The following E2F1 variants were observed in gnomAD, a reference collection of about 807,000 sequenced individuals.
E2F1 encodes the protein transcription factor E2F1.
Under a neutral mutation model 36.9 loss-of-function variants are expected in E2F1, and 7 were observed. The ratio of observed to expected loss-of-function variants is 0.19; its 90% CI spans 0.11 to 0.36. E2F1 has a LOEUF of 0.36. E2F1 is among the 10% of genes least tolerant of loss of function. The pLI is 1.00. For synonymous variants in E2F1, 261 were observed against 263.1 expected, an observed-to-expected ratio of 0.99 and a Z score of 0.08; for missense variants, 406 against 573.6, an observed-to-expected ratio of 0.71 and a Z score of 2.99.
intron 1 of E2F1, 110 bp from the exon 2 acceptor site, chr20:33,680,526 G>T: frequency 1.2e-6 from 1 of 868,504 alleles, no homozygotes. Flanking sequence ...CTAGCAGGAT[G>T]CCTGAGTGTG....
chr20:33,675,631 T>C lies in E2F1; in HGVS notation c.*1101A>G, dbSNP rs1381308924. The C allele has an allele frequency of 6.4e-6, 1 of 156,370 alleles. No homozygotes were observed. The highest frequency in any genetic ancestry group is 1.4e-5 in the Non-Finnish European group (1 of 70,502). 9.7% of individuals were successfully genotyped at this position (156,370 alleles called of 1,614,324 possible). ...GAGAATGGGCATTTCCCCAGCAACCTTGGCCTCTCCCGCCCCGAAATGTTC... is the reference window on the plus strand; with the variant it reads ...GAGAATGGGCATTTCCCCAGCAACCCTGGCCTCTCCCGCCCCGAAATGTTC... On this transcript the variant is annotated 3_prime_UTR_variant, in exon 7 of 7. Transcript: ENST00000343380.
chr20:33,686,083 G>T lies in E2F1; in HGVS notation c.182C>A (p.Pro61His). The T allele has an allele frequency of 1.8e-6, 2 of 1,105,808 alleles. No homozygotes were observed. The highest frequency in any genetic ancestry group is 5.1e-5 in the Admixed American group (1 of 19,546). 68.5% of individuals were successfully genotyped at this position (1,105,808 alleles called of 1,614,324 possible). The change falls in exon 1 of 7, where the codon CCT becomes CAT. Residue 61 changes from proline to histidine, a missense_variant. Coordinates refer to ENST00000343380, the MANE Select transcript of E2F1 (RefSeq NM_005225.3). ...PAAPAAGPCD[P>H]DLLLFATPQA... ...CGGTGTGGCGAAGAGCAGCAGGTCAGGGTCGCAGGGGCCGGCGGCGGGCGC... is the reference window on the plus strand; with the variant it reads ...CGGTGTGGCGAAGAGCAGCAGGTCATGGTCGCAGGGGCCGGCGGCGGGCGC...
chr20:33,678,126 C>T (rs2017982223), intron 4 of E2F1, 75 bp downstream of exon 4: 1 of 1,503,362 alleles, frequency 6.7e-7, no homozygotes, highest in Non-Finnish European at 8.9e-7. Flanking sequence ...AAATCCAAGC[C>T]TCTCTAGTCC....
Position 33,686,357 on chromosome 20 carries a change from C to T in E2F1, c.-93G>A. Reference sequence around the variant, plus strand: ...TCGGCGAGGGCTCGATCCCGCTCCGCCCCCGGCCGCCGCTGCCTGCAAAGT... The same window carrying T: ...TCGGCGAGGGCTCGATCCCGCTCCGTCCCCGGCCGCCGCTGCCTGCAAAGT... On this transcript the variant is annotated 5_prime_UTR_variant, in exon 1 of 7. Coordinates refer to ENST00000343380, the MANE Select transcript of E2F1 (RefSeq NM_005225.3). The T allele has an allele frequency of 7.3e-6, 7 of 954,606 alleles. No individual in the cohort carries two copies. The highest frequency in any genetic ancestry group is 8.7e-6 in the Non-Finnish European group (7 of 801,086). 59.1% of individuals were successfully genotyped at this position (954,606 alleles called of 1,614,324 possible). A position where few individuals can be genotyped will look rare whatever the true frequency, so the allele number is the denominator to read the frequency against.
At chr20:33,678,384 A>G (rs1020849508) in intron 3 of E2F1, 31 bp from the exon 4 acceptor site, 12 of 1,609,204 alleles carry the variant, frequency 7.5e-6, no homozygotes, top group Non-Finnish European at 7.6e-6. Flanking sequence ...GGGTAGGGTT[A>G]ACAGCGATTG....
chr20:33,676,680 G>A lies in E2F1; in HGVS notation c.*52C>T. The A allele has an allele frequency of 1.3e-6, 2 of 1,542,392 alleles. No homozygotes were observed. Among genetic ancestry groups the A allele is most frequent in the South Asian group, 2.5e-5 (2 of 80,306 alleles). ...ACGGCCAGGGACAGGGGGCTCCAGG[G>A]CTGCAGAGACAAGGTGAGCATCTCT... On this transcript the variant is annotated 3_prime_UTR_variant, in exon 7 of 7. Transcript: ENST00000343380.
At position 33,677,238 on chromosome 20, in the gene E2F1, G is replaced by A. The variant is rs944228695; in HGVS notation, c.933C>T (p.Thr311=). The A allele has an allele frequency of 6.2e-7, 1 of 1,614,118 alleles. No homozygotes were observed. Among genetic ancestry groups the A allele is most frequent in the Admixed American group, 1.7e-5 (1 of 60,020 alleles). ...ETVGGISPGK[T]PSQEVTSEEE... ...CCTCAGAAGTGACCTCCTGGGATGG[G>A]GTCTTCCCAGGGCTGATCCCACCTA... is the stretch of plus-strand genomic sequence containing the variant. Residue 311 remains threonine (T), a synonymous_variant, in exon 6 of 7, where the codon ACC becomes ACT. Coordinates refer to ENST00000343380, the MANE Select transcript of E2F1 (RefSeq NM_005225.3).
chr20:33,684,598 A>C (rs2018047902), intron 1 of E2F1, among the ~76,000 whole-genome samples: 1 of 152,212 alleles, frequency 6.6e-6, no homozygotes, highest in Non-Finnish European at 1.5e-5. Context: ...CCCAATCTGT[A>C]AAAAGGGACT....
At chr20:33,680,104 G>A in intron 2 of E2F1, 130 bp from the exon 3 acceptor site, 1 of 945,886 alleles carries the variant, frequency 1.1e-6, no homozygotes. Flanking sequence ...CTTCCCCTTG[G>A]CGAGGCCAAC....
At chr20:33,683,243 G>A (rs1315262835) in intron 1 of E2F1, among the ~76,000 whole-genome samples, 1 of 152,106 alleles carries the variant, frequency 6.6e-6, no homozygotes, top group Non-Finnish European at 1.5e-5. Flanking sequence ...TTGAGGTCAG[G>A]AGTTCAAGAC....
rs1568909441 is a variant in E2F1, at chr20:33,680,363, A to G, written c.315T>C (p.Ser105=). The G allele has an allele frequency of 6.2e-7, 1 of 1,614,168 alleles. No homozygotes were observed. The highest frequency in any genetic ancestry group is 8.5e-7 in the Non-Finnish European group (1 of 1,180,014). ...ETDHQYLAES[S]GPARGRGRHP... ...GGCGGCCTCTGCCCCGAGCTGGCCCACTGCTCTCGGCCAGGTACTGATGGT... is the reference window on the plus strand; with the variant it reads ...GGCGGCCTCTGCCCCGAGCTGGCCCGCTGCTCTCGGCCAGGTACTGATGGT... The change falls in exon 2 of 7, where the codon AGT becomes AGC. Residue 105 remains serine (S), a synonymous_variant. Coordinates refer to ENST00000343380, the MANE Select transcript of E2F1 (RefSeq NM_005225.3).
chr20:33,679,982 G>A lies in E2F1; in HGVS notation c.353-8C>T, dbSNP rs886392289. The stretch of plus-strand genomic sequence containing the variant: ...CCCCCGGGGATTTCACACCTGTGGG[G>A]GTGTGGTCAGGCAAGACAGGGCCCT... On this transcript the variant is annotated splice_polypyrimidine_tract_variant and splice_region_variant and intron_variant, in intron 2 of 6. Coordinates refer to ENST00000343380, the MANE Select transcript of E2F1 (RefSeq NM_005225.3). The surrounding 1 kb of genome is among the most constrained non-coding windows in gnomAD (Gnocchi z 4.6). 1.2e-6 allele frequency: 2 copies of A among 1,607,662 alleles called. No individual in the cohort carries two copies. Among genetic ancestry groups the A allele is most frequent in the Non-Finnish European group, 1.7e-6 (2 of 1,176,086 alleles).
intron 3 of E2F1, among the ~76,000 whole-genome samples, chr20:33,678,837 T>A (rs1455875991): frequency 6.6e-6 from 1 of 152,042 alleles, no homozygotes; most frequent in Non-Finnish European, 1.5e-5. Context: ...GTACTTGTAG[T>A]CCTAGCTACA....
intron 1 of E2F1, among the ~76,000 whole-genome samples, chr20:33,682,179 T>C (rs1184410696): frequency 2.0e-5 from 3 of 152,208 alleles, no homozygotes; most frequent in Admixed American, 1.3e-4. Flanking sequence ...TGAGAATCTA[T>C]AGTGTCTGCC....
intron 1 of E2F1, among the ~76,000 whole-genome samples, chr20:33,681,243 T>C (rs1308136189): frequency 6.6e-6 from 1 of 152,088 alleles, no homozygotes; most frequent in Non-Finnish European, 1.5e-5. Context: ...CTCCCTATGT[T>C]GCCCAGACTG....
rs932094234 is a variant in E2F1 at position 33,676,666 on chromosome 20, CAG to C, written c.*64_*65del. 5.9e-6 allele frequency: 9 copies of C among 1,519,650 alleles called. No homozygotes were observed. Among genetic ancestry groups the C allele is most frequent in the South Asian group, 1.3e-5 (1 of 76,452 alleles). The allele number at this position is 1,519,650 out of a possible 1,614,324, so 94.1% of individuals were successfully genotyped here. A position where few individuals can be genotyped will look rare whatever the true frequency, so the allele number is the denominator to read the frequency against. On this transcript the variant is annotated 3_prime_UTR_variant, in exon 7 of 7. Coordinates refer to ENST00000343380, the MANE Select transcript of E2F1 (RefSeq NM_005225.3). ...AACAGGCTGGGAGGACGGCCAGGGA[CAG>C]GGGGCTCCAGGGCTGCAGAGACAAG...
At position 33,676,666 on chromosome 20, in the gene E2F1, CA is replaced by C. The variant is rs746393982; in HGVS notation, c.*65del. 7.2e-6 allele frequency: 11 copies of C among 1,519,768 alleles called. No individual in the cohort carries two copies. Among genetic ancestry groups the C allele is most frequent in the African/African-American group, 1.4e-5 (1 of 72,040 alleles). 94.1% of individuals were successfully genotyped at this position (1,519,768 alleles called of 1,614,324 possible). ...AACAGGCTGGGAGGACGGCCAGGGA[CA>C]GGGGGCTCCAGGGCTGCAGAGACAA... is the stretch of plus-strand genomic sequence containing the variant. On this transcript the variant is annotated 3_prime_UTR_variant, in exon 7 of 7. Coordinates refer to ENST00000343380, the MANE Select transcript of E2F1 (RefSeq NM_005225.3).
rs756189133 is a variant in E2F1 at position 33,679,745 on chromosome 20, C to T, written c.572+10G>A. ...AGGTGTGCCTGCCCTCCTGTGTGGCCGGTACCTACAGCCACTGGATGTGGT... is the reference window on the plus strand; with the variant it reads ...AGGTGTGCCTGCCCTCCTGTGTGGCTGGTACCTACAGCCACTGGATGTGGT... On this transcript the variant is annotated intron_variant, in intron 3 of 6. Coordinates refer to ENST00000343380, the MANE Select transcript of E2F1 (RefSeq NM_005225.3). The surrounding 1 kb of genome is among the most constrained non-coding windows in gnomAD (Gnocchi z 4.6). 53 of 1,612,254 alleles carry T rather than the reference C, an allele frequency of 3.3e-5. No individual in the cohort carries two copies. In the East Asian group the frequency reaches 5.6e-4, roughly 17 times the overall value.
At chr20:33,681,040 T>C (rs3213165) in intron 1 of E2F1, among the ~76,000 whole-genome samples, 5,001 of 152,278 alleles carry the variant, frequency 0.033, 258 homozygotes, top group African/African-American at 0.11. Flanking sequence ...TTTAAGGCAC[T>C]ATTTTTTTTT....
Sources: gnomAD v4.1 joint callset for allele counts (sites outside exome capture counted in the v4.1 genomes callset) on GRCh38, gnomAD v4.1.1 for gene constraint, Gnocchi (gnomAD v3.1) non-coding constraint, MANE v1.5 for transcripts, NCBI Gene and HGNC (gene_info 2026-07-23, HGNC 2026-07-21) for gene names.